KIF21B: variants seen among roughly 807,000 people sequenced by gnomAD.
KIF21B encodes kinesin family member 21B.
Under a neutral mutation model 192.9 loss-of-function variants are expected in KIF21B, and 85 were observed. The observed-to-expected ratio is 0.44, with a 90% CI of 0.37 to 0.53. KIF21B has a LOEUF of 0.53. Among genes scored for constraint, KIF21B ranks in the 20% least tolerant of loss-of-function variants. The pLI is 0.00. For synonymous variants in KIF21B, 832 were observed against 884.6 expected (o/e 0.94, Z 1.05); for missense variants, 1,716 against 2,194.8 (o/e 0.78, Z 4.36).
chr1:200,976,781 C>G lies in KIF21B; in HGVS notation c.4438G>C (p.Val1480Leu). 6.2e-7 allele frequency: 1 copy of G among 1,608,544 alleles called. No homozygotes were observed. Among genetic ancestry groups the G allele is most frequent in the Admixed American group, 1.7e-5 (1 of 59,760 alleles). The change falls in exon 32 of 35, where the codon GTT (valine) becomes CTT (leucine). Residue 1480 changes from valine to leucine, a missense_variant. Transcript: ENST00000461742. ...LVVTGSKDHY[V>L]KMFELGECVT... ...AGGCCTCATAGCTGAGGTACCTTAA[C>G]GTAGTGGTCCTTGGAGCCAGTCACC...
chr1:201,004,713 G>T, intron 6 of KIF21B, 53 bp downstream of exon 6: 1 of 1,608,332 alleles, frequency 6.2e-7, no homozygotes, highest in Non-Finnish European at 8.5e-7. Context: ...CCTTGGAGGG[G>T]TCTGAGACTG....
rs1490602224 is a variant in KIF21B, at chr1:200,998,517, C to T, written c.1944G>A (p.Lys648=). The T allele has an allele frequency of 2.5e-6, 4 of 1,614,012 alleles. No homozygotes were observed. The South Asian group carries it at 3.3e-5, about 13-fold the overall frequency. Residue 648 remains lysine (K), a synonymous_variant, in exon 14 of 35, where the codon AAG becomes AAA. Transcript: ENST00000461742. The surrounding 1 kb of genome is among the most constrained non-coding windows in gnomAD (Gnocchi z 4.3). ...GGCTGTTCTCCAGCTCGTCGATCAG[C>T]TTCTGCTTGATTTCGATCTCACAAG... ...DLTCEIEIKQ[K]LIDELENSQR... is the part of the protein sequence containing the mutation.
chr1:200,975,876 T>C lies in KIF21B; in HGVS notation c.4444-207A>G, dbSNP rs1655517404. 6.6e-6 allele frequency among the ~76,000 whole-genome samples: 1 copy of C among 151,996 alleles called. No homozygotes were observed. The highest frequency in any genetic ancestry group is 1.5e-5 in the Non-Finnish European group (1 of 67,992). On this transcript the variant is annotated intron_variant, in intron 32 of 34. Coordinates refer to ENST00000461742, the MANE Select transcript of KIF21B (RefSeq NM_001252102.2). This position sits in a 1 kb window ranked among gnomAD's most constrained non-coding sequence, Gnocchi z 4.3. Reference sequence around the variant, plus strand: ...GGACTGGGAACACGGAAGGTTCAGATCTTGACCCTTCCTGTGGATACTGGG... The same window carrying C: ...GGACTGGGAACACGGAAGGTTCAGACCTTGACCCTTCCTGTGGATACTGGG...
Position 201,004,810 on chromosome 1 carries a change from T to A in KIF21B, c.856A>T (p.Thr286Ser), listed in dbSNP as rs1657707674. ...GSERLKRTGA[T>S]GERAKEGISI... Reference sequence around the variant, plus strand: ...ATGCCCTCCTTGGCCCGCTCGCCAGTAGCCCCTGTCCGCTTCAGCCGCTCT... The same window carrying A: ...ATGCCCTCCTTGGCCCGCTCGCCAGAAGCCCCTGTCCGCTTCAGCCGCTCT... Residue 286 changes from threonine (T) to serine (S), a missense_variant, in exon 6 of 35, where the codon ACT (threonine) becomes TCT (serine). Transcript: ENST00000461742. 4 of 1,613,988 alleles carry A rather than the reference T, an allele frequency of 2.5e-6. No individual in the cohort carries two copies. Among genetic ancestry groups the A allele is most frequent in the East Asian group, 2.2e-5 (1 of 44,894 alleles).
chr1:200,988,561 GGGAGGGAA>G lies in KIF21B; in HGVS notation c.3299-25_3299-18del. The G allele has an allele frequency of 1.1e-5, 10 of 876,428 alleles. No homozygotes were observed. The highest frequency in any genetic ancestry group is 1.8e-5 in the Non-Finnish European group (10 of 544,488). 54.3% of individuals were successfully genotyped at this position (876,428 alleles called of 1,614,324 possible). Reference sequence around the variant, plus strand: ...AGCCATTCTCTGTGGGAGGGCGGGAGGGAGGGAAAGGGGTTGAGAAGCCCTGTCCAAGT... The same window carrying G: ...AGCCATTCTCTGTGGGAGGGCGGGAGAGGGGTTGAGAAGCCCTGTCCAAGT... On this transcript the variant is annotated intron_variant, in intron 22 of 34. Coordinates refer to ENST00000461742, the MANE Select transcript of KIF21B (RefSeq NM_001252102.2).
intron 30 of KIF21B, among the ~76,000 whole-genome samples, chr1:200,979,313 A>C (rs1655760828): frequency 1.3e-5 from 2 of 152,186 alleles, no homozygotes. Flanking sequence ...GAGGCCAGGC[A>C]GGCCAAAAAT....
At chr1:201,020,233 A>C (rs1157113690) in intron 1 of KIF21B, among the ~76,000 whole-genome samples, 1 of 152,110 alleles carries the variant, frequency 6.6e-6, no homozygotes, top group Non-Finnish European at 1.5e-5. Context: ...AGGGTCTTAA[A>C]CAAATTTGCC....
intron 1 of KIF21B, among the ~76,000 whole-genome samples, chr1:201,013,662 G>C (rs1316126203): frequency 6.6e-6 from 1 of 152,138 alleles, no homozygotes; most frequent in African/African-American, 2.4e-5. Context: ...GTGGCCTCTA[G>C]GGTCTTCCAA....
Position 200,998,660 on chromosome 1 carries a change from C to G in KIF21B, c.1886-85G>C. The G allele has an allele frequency of 1.2e-5, 16 of 1,293,360 alleles. No homozygotes were observed. The highest frequency in any genetic ancestry group is 1.7e-5 in the Non-Finnish European group (16 of 918,888). 80.1% of individuals were successfully genotyped at this position (1,293,360 alleles called of 1,614,324 possible). On this transcript the variant is annotated intron_variant, in intron 13 of 34. Transcript: ENST00000461742. The surrounding 1 kb of genome is among the most constrained non-coding windows in gnomAD (Gnocchi z 4.3). ...ATGTGCCAGTGCTGGGGAGCTGGGA[C>G]CCTCCTTTGGTCAGCCATGACCAAT...
chr1:200,996,914 G>A (rs1258510142), intron 14 of KIF21B, among the ~76,000 whole-genome samples: 1 of 152,112 alleles, frequency 6.6e-6, no homozygotes, highest in Non-Finnish European at 1.5e-5. Context: ...TCAGTACACA[G>A]CATCACGCTC....
intron 3 of KIF21B, among the ~76,000 whole-genome samples, chr1:201,007,221 GAC>G (rs1230275841): frequency 9.9e-6 from 1 of 100,752 alleles, no homozygotes; most frequent in African/African-American, 4.1e-5. Flanking sequence ...CACAGAGACA[GAC>G]ACACACAGAC....
intron 32 of KIF21B, among the ~76,000 whole-genome samples, 174 bp downstream of exon 32, chr1:200,976,602 A>G (rs1180419931): frequency 6.6e-6 from 1 of 152,266 alleles, no homozygotes; most frequent in Non-Finnish European, 1.5e-5. Flanking sequence ...GTTACAAAAT[A>G]ATGCTGCAAT....
intron 28 of KIF21B, 73 bp from the exon 29 acceptor site, chr1:200,981,169 G>A (rs1222031453): frequency 1.3e-6 from 2 of 1,493,580 alleles, no homozygotes; most frequent in African/African-American, 2.8e-5. Flanking sequence ...CAAGGCACGT[G>A]TGTGGGATGG....
At position 201,017,382 on chromosome 1, in the gene KIF21B, T is replaced by C. The variant is rs1207505455; in HGVS notation, c.41+5961A>G. Among the ~76,000 whole-genome samples, 1 of 152,202 alleles carries C rather than the reference T, an allele frequency of 6.6e-6. No individual in the cohort carries two copies. The highest frequency in any genetic ancestry group is 1.9e-4 in the East Asian group (1 of 5,200). On this transcript the variant is annotated intron_variant, in intron 1 of 34. Coordinates refer to ENST00000461742, the MANE Select transcript of KIF21B (RefSeq NM_001252102.2). The surrounding 1 kb of genome is among the most constrained non-coding windows in gnomAD (Gnocchi z 4.1). Reference sequence around the variant, plus strand: ...TGGGCCAGGGTCGGACTCCTCCATCTCTGGGGCCTGGGAAGAGGGTAAACC... The same window carrying C: ...TGGGCCAGGGTCGGACTCCTCCATCCCTGGGGCCTGGGAAGAGGGTAAACC...
chr1:201,002,312 A>G lies in KIF21B; in HGVS notation c.1251T>C (p.Tyr417=). 5 of 1,614,198 alleles carry G rather than the reference A, an allele frequency of 3.1e-6. No homozygotes were observed. Among genetic ancestry groups the G allele is most frequent in the Non-Finnish European group, 4.2e-6 (5 of 1,180,022 alleles). The change falls in exon 9 of 35, where the codon TAT becomes TAC. Residue 417 remains tyrosine (Y), a synonymous_variant. Coordinates refer to ENST00000461742, the MANE Select transcript of KIF21B (RefSeq NM_001252102.2). ...RVIGEDGAEG[Y]SDLFRENAML... ...TGGCATTCTCTCGGAACAGATCACT[A>G]TAGCCCTCAGCGCCATCCTCTCCTA... is the stretch of plus-strand genomic sequence containing the variant.
chr1:201,003,328 G>A, intron 8 of KIF21B: 1 of 550,144 alleles, frequency 1.8e-6, no homozygotes, highest in Non-Finnish European at 3.3e-6. Flanking sequence ...ACAAAAGCTG[G>A]GGAGCCCTTC....
In KIF21B at chr1:201,000,896, C is replaced by T. The variant is rs1246151346; in HGVS notation, c.1403-116G>A. On this transcript the variant is annotated intron_variant, in intron 9 of 34. Transcript: ENST00000461742. The surrounding 1 kb of genome is among the most constrained non-coding windows in gnomAD (Gnocchi z 6.0). ...GCCAAGGCGGGCGGATCACCTGAGG[C>T]TGGGAGTTCGAGACTAGCCTGACCA... 5 of 1,007,408 alleles carry T rather than the reference C, an allele frequency of 5.0e-6. No individual in the cohort carries two copies. The Admixed American group carries it at 5.6e-5, about 11-fold the overall frequency. The allele number at this position is 1,007,408 out of a possible 1,614,324, so 62.4% of individuals were successfully genotyped here. A position where few individuals can be genotyped will look rare whatever the true frequency, so the allele number is the denominator to read the frequency against.
rs775691918 is a variant in KIF21B, at chr1:200,986,886, G to A, written c.3647C>T (p.Pro1216Leu). 9.3e-6 allele frequency: 15 copies of A among 1,613,784 alleles called. No homozygotes were observed. The Middle Eastern group carries it at 4.9e-4, about 53-fold the overall frequency. ...PRQSRATETS[P>L]LTRRKSYDRG... ...GTCGTAGGACTTCCTTCTCGTCAGC[G>A]GGGACGTCTCTGTGGCTCGAGATTG... The change falls in exon 26 of 35, where the codon CCG becomes CTG. Residue 1216 changes from proline (P) to leucine (L), a missense_variant. By Grantham distance (98) the Pro-to-Leu change is moderately conservative (BLOSUM62 -3). Around this residue, in one of 3 missense-constraint regions of KIF21B, gnomAD observed 580 missense variants for 775.5 expected, o/e 0.75. Coordinates refer to ENST00000461742, the MANE Select transcript of KIF21B (RefSeq NM_001252102.2).
chr1:200,992,871 G>A (rs1656794971), intron 15 of KIF21B, among the ~76,000 whole-genome samples: 1 of 152,228 alleles, frequency 6.6e-6, no homozygotes, highest in South Asian at 2.1e-4. Context: ...CTGAGACCCA[G>A]CTGTATGCCA....
Sources: allele counts gnomAD v4.1 joint callset (sites outside exome capture counted in the v4.1 genomes callset), GRCh38; gene constraint gnomAD v4.1.1; regional missense constraint gnomAD v4.1.1; non-coding constraint Gnocchi (gnomAD v3.1); transcripts MANE v1.5; gene names NCBI Gene and HGNC (gene_info 2026-07-23, HGNC 2026-07-21).